The following LYRM4 variants were observed in gnomAD, a reference collection of about 807,000 sequenced individuals.
LYRM4 encodes the protein LYR motif containing 4.
LYRM4 carries 9 observed loss-of-function variants against 11.7 expected under a neutral mutation model. That is an observed-to-expected ratio of 0.77 (90% CI 0.46 to 1.34). The LOEUF (loss-of-function observed/expected upper bound fraction) is 1.34, where lower values mean the gene tolerates loss of function less well. LYRM4 is among the 40% of genes most tolerant of loss of function. The pLI, the probability that LYRM4 is intolerant of heterozygous loss-of-function variation, is 0.00. For missense variants in LYRM4, 133 were observed against 112.5 expected, an observed-to-expected ratio of 1.18 and a Z score of -0.82; for synonymous variants, 42 against 40.4, an observed-to-expected ratio of 1.04 and a Z score of -0.15.
At chr6:5,191,380 C>A (rs887518556) in intron 2 of LYRM4, among the ~76,000 whole-genome samples, 1 of 152,140 alleles carries the variant, frequency 6.6e-6, no homozygotes, top group Non-Finnish European at 1.5e-5. Flanking sequence ...CCTTTTGATG[C>A]CAGACTGACC....
rs73719704 is a variant in LYRM4, at chr6:5,152,330, C to T, written c.208-42839G>A. Among the ~76,000 whole-genome samples, 14 of 152,170 alleles carry T rather than the reference C, an allele frequency of 9.2e-5. No individual in the cohort carries two copies. In the East Asian group the frequency reaches 1.4e-3, roughly 15 times the overall value. On this transcript the variant is annotated intron_variant, in intron 2 of 2. Coordinates refer to ENST00000330636, the MANE Select transcript of LYRM4 (RefSeq NM_020408.6). ...ATGCCAAAAGCATTTCCTAGGAAAG[C>T]GGCAACTAAGCGACAACTATGTCAC...
chr6:5,235,986 T>C (rs1400886825), intron 1 of LYRM4, among the ~76,000 whole-genome samples: 2 of 152,206 alleles, frequency 1.3e-5, no homozygotes, highest in East Asian at 1.9e-4. Context: ...TTTGACACTA[T>C]CTGAGAGGGA....
intron 2 of LYRM4, among the ~76,000 whole-genome samples, chr6:5,111,995 T>G (rs1257221387): frequency 6.6e-6 from 1 of 151,518 alleles, no homozygotes; most frequent in Non-Finnish European, 1.5e-5. Context: ...GGCATGGGAG[T>G]CCCTAGGGCG....
At chr6:5,066,797 C>A in the LYRM4 span, 1 of 741,290 alleles carries the variant, frequency 1.3e-6, no homozygotes. Context: ...TTAACACCCT[C>A]CTTGGTGAGT....
chr6:5,165,933 A>G (rs4960072), intron 2 of LYRM4, among the ~76,000 whole-genome samples: 71,141 of 152,120 alleles, frequency 0.47, 17,045 homozygotes, highest in East Asian at 0.6. Flanking sequence ...AAAATTCTCA[A>G]ATGAAACTAC....
chr6:5,220,830 AGTTTTAG>A (rs1762537874), intron 1 of LYRM4, among the ~76,000 whole-genome samples: 2 of 152,154 alleles, frequency 1.3e-5, no homozygotes, highest in South Asian at 4.1e-4. Flanking sequence ...ACAGACCTCC[AGTTTTAG>A]GTTTCTTTTT....
chr6:5,177,893 C>T (rs1170039104), intron 2 of LYRM4, among the ~76,000 whole-genome samples: 1 of 152,198 alleles, frequency 6.6e-6, no homozygotes, highest in Non-Finnish European at 1.5e-5. Flanking sequence ...CTCCTCAACA[C>T]TGCCAACTTG....
chr6:5,154,718 C>T (rs1279127354), intron 2 of LYRM4, among the ~76,000 whole-genome samples: 1 of 152,158 alleles, frequency 6.6e-6, no homozygotes, highest in African/African-American at 2.4e-5. Flanking sequence ...ACTCGGGAGG[C>T]TGAGGCAGGA....
the LYRM4 span, among the ~76,000 whole-genome samples, chr6:5,073,486 C>CTA: frequency 4.7e-5 from 7 of 148,080 alleles, no homozygotes; most frequent in East Asian, 1.9e-4. Context: ...TTTTATATAT[C>CTA]TATATATATC....
chr6:5,150,307 T>C (rs1758016767), intron 2 of LYRM4, among the ~76,000 whole-genome samples: 1 of 152,194 alleles, frequency 6.6e-6, no homozygotes, highest in Admixed American at 6.5e-5. Flanking sequence ...TTGCAATTTT[T>C]TCTTCTTTTG....
At chr6:5,257,917 C>T (rs1764758886) in intron 1 of LYRM4, among the ~76,000 whole-genome samples, 1 of 152,170 alleles carries the variant, frequency 6.6e-6, no homozygotes, top group East Asian at 1.9e-4. Flanking sequence ...TGACACACAG[C>T]AATGAGACCT....
At chr6:5,216,592 A>C in intron 2 of LYRM4, 26 bp downstream of exon 2, 1 of 1,613,128 alleles carries the variant, frequency 6.2e-7, no homozygotes, top group Non-Finnish European at 8.5e-7. Context: ...CTTAATGAAA[A>C]ACAGTACATC....
the LYRM4 span, among the ~76,000 whole-genome samples, chr6:5,058,603 A>C: frequency 9.9e-5 from 15 of 152,002 alleles, no homozygotes; most frequent in Admixed American, 6.6e-5. Context: ...CTCGGGGGGA[A>C]CCCATGGGCA....
chr6:5,218,009 G>C (rs1258057178), intron 1 of LYRM4, among the ~76,000 whole-genome samples: 9 of 152,042 alleles, frequency 5.9e-5, no homozygotes, highest in Admixed American at 5.9e-4. Flanking sequence ...CTGGGCTCAA[G>C]TGATCCTCCT....
chr6:5,145,681 C>T (rs1757681910), intron 2 of LYRM4, among the ~76,000 whole-genome samples: 1 of 152,214 alleles, frequency 6.6e-6, no homozygotes, highest in Admixed American at 6.5e-5. Context: ...TTTCGATCCT[C>T]ATGCCTATTA....
the LYRM4 span, among the ~76,000 whole-genome samples, chr6:5,053,221 G>A: frequency 2.6e-5 from 4 of 152,112 alleles, no homozygotes; most frequent in African/African-American, 4.8e-5. Context: ...GGGTTTTTAT[G>A]TTCAGCTCTT....
chr6:5,057,608 G>A, the LYRM4 span, among the ~76,000 whole-genome samples: 5 of 151,848 alleles, frequency 3.3e-5, no homozygotes, highest in African/African-American at 7.3e-5. Context: ...CCAGCTACTC[G>A]GGAGGCTGAG....
At chr6:5,136,242 G>A (rs1757092107) in intron 2 of LYRM4, 1 of 961,672 alleles carries the variant, frequency 1.0e-6, no homozygotes, top group African/African-American at 1.8e-5. Flanking sequence ...GTTCTCTGGG[G>A]TATATACTGA....
At chr6:5,078,114 C>T in the LYRM4 span, among the ~76,000 whole-genome samples, 1 of 152,142 alleles carries the variant, frequency 6.6e-6, no homozygotes, top group South Asian at 2.1e-4. Flanking sequence ...AAGTAAAGCA[C>T]ATTGAAATGG....
Sources: allele counts gnomAD v4.1 joint callset (sites outside exome capture counted in the v4.1 genomes callset), GRCh38; gene constraint gnomAD v4.1.1; transcripts MANE v1.5; gene names NCBI Gene and HGNC (gene_info 2026-07-23, HGNC 2026-07-21).